Variants in NRG2 observed in about 807,000 individuals in gnomAD.
The protein encoded by NRG2 is neuregulin 2.
NRG2 carries 27 observed loss-of-function variants against 73.9 expected under a neutral mutation model. The ratio of observed to expected loss-of-function variants is 0.37; its 90% CI spans 0.27 to 0.50. NRG2 has a LOEUF of 0.50. Among genes scored for constraint, NRG2 ranks in the 20% least tolerant of loss-of-function variants. The probability of loss-of-function intolerance (pLI) is 0.96; values close to 1 mark genes in which losing one functional copy is unlikely to be tolerated. For synonymous variants in NRG2, 532 were observed against 541.0 expected, an observed-to-expected ratio of 0.98 and a Z score of 0.23; for missense variants, 1,126 against 1,210.1, an observed-to-expected ratio of 0.93 and a Z score of 1.03.
chr5:139,937,818 T>C (rs528201071), intron 1 of NRG2, among the ~76,000 whole-genome samples: 1 of 152,184 alleles, frequency 6.6e-6, no homozygotes, highest in South Asian at 2.1e-4. Flanking sequence ...AACTACACAA[T>C]GAAAACTATG....
intron 1 of NRG2, among the ~76,000 whole-genome samples, chr5:139,990,546 T>A (rs1253227687): frequency 6.6e-6 from 1 of 152,136 alleles, no homozygotes; most frequent in Non-Finnish European, 1.5e-5. Flanking sequence ...GCTCAAGTGA[T>A]CCACCTGACT....
intron 1 of NRG2, among the ~76,000 whole-genome samples, chr5:139,990,381 C>T (rs1757526653): frequency 6.6e-6 from 1 of 151,930 alleles, no homozygotes; most frequent in South Asian, 2.1e-4. Flanking sequence ...TGGCTTACTA[C>T]CACAACCTCC....
chr5:139,878,847 C>A (rs1763351474), intron 3 of NRG2, among the ~76,000 whole-genome samples: 1 of 152,166 alleles, frequency 6.6e-6, no homozygotes, highest in Non-Finnish European at 1.5e-5. Flanking sequence ...TGCTGTCATG[C>A]CCAGGCTGGG....
At position 139,848,108 on chromosome 5, in the gene NRG2, G is replaced by A; in HGVS notation, c.2362C>T (p.Leu788=). The change falls in exon 10 of 10, where the codon CTG becomes TTG. Residue 788 remains leucine, a synonymous_variant. Transcript: ENST00000361474. ...DDDADDADGA[L]AAESTPFLGL... ...AGGAAAGGTGTGCTCTCGGCCGCCA[G>A]CGCCCCGTCCGCGTCGTCCGCGTCG... 2.0e-6 allele frequency: 3 copies of A among 1,477,240 alleles called. No homozygotes were observed. The highest frequency in any genetic ancestry group is 2.7e-6 in the Non-Finnish European group (3 of 1,121,744). 91.5% of individuals were successfully genotyped at this position (1,477,240 alleles called of 1,614,324 possible).
intron 1 of NRG2, among the ~76,000 whole-genome samples, chr5:139,990,190 T>G (rs1757506536): frequency 6.6e-6 from 1 of 152,198 alleles, no homozygotes; most frequent in African/African-American, 2.4e-5. Flanking sequence ...TATCTAGGCA[T>G]GTAATTTCTG....
At chr5:139,966,686 T>G (rs1279252521) in intron 1 of NRG2, among the ~76,000 whole-genome samples, 1 of 151,926 alleles carries the variant, frequency 6.6e-6, no homozygotes, top group African/African-American at 2.4e-5. Context: ...AAGTTTGGCA[T>G]GGTCAGGGGT....
rs1761857094 is a variant in NRG2, at chr5:139,857,105, TCTC to T, written c.1190-1330_1190-1328del. 2.6e-5 allele frequency among the ~76,000 whole-genome samples: 4 copies of T among 152,288 alleles called. No individual in the cohort carries two copies. The South Asian group carries it at 8.3e-4, about 32-fold the overall frequency. On this transcript the variant is annotated intron_variant, in intron 5 of 9. Transcript: ENST00000361474. The stretch of plus-strand genomic sequence containing the variant: ...GGTCACTTGCTTCCTTCCCAGCTGC[TCTC>T]CTCCTTCTGGGGCCCACTCCCCCTG...
intron 1 of NRG2, among the ~76,000 whole-genome samples, chr5:139,979,074 G>A (rs947311187): frequency 1.6e-5 from 2 of 126,474 alleles, no homozygotes; most frequent in African/African-American, 3.0e-5. Context: ...ATCACACACC[G>A]GGGCCTGTTG....
At position 139,868,868 on chromosome 5, in the gene NRG2, G is replaced by A. The variant is rs1762667608; in HGVS notation, c.1112+2853C>T. On this transcript the variant is annotated intron_variant, in intron 4 of 9. Coordinates refer to ENST00000361474, the MANE Select transcript of NRG2 (RefSeq NM_004883.3). The surrounding 1 kb of genome is among the most constrained non-coding windows in gnomAD (Gnocchi z 4.2). ...TCACCTGGACATGGGTGGGGTAGGG[G>A]CAGAGGGATGAGGGGGATGAGCTGA... 6.6e-6 allele frequency among the ~76,000 whole-genome samples: 1 copy of A among 151,992 alleles called. No homozygotes were observed. The highest frequency in any genetic ancestry group is 2.4e-5 in the African/African-American group (1 of 41,356).
intron 1 of NRG2, among the ~76,000 whole-genome samples, chr5:139,987,926 C>G (rs976129685): frequency 1.3e-5 from 2 of 152,130 alleles, no homozygotes; most frequent in Non-Finnish European, 2.9e-5. Context: ...AGGCGCACAC[C>G]GCCATGCCTG....
At chr5:139,864,160 C>G (rs892824869) in intron 5 of NRG2, among the ~76,000 whole-genome samples, 2 of 152,148 alleles carry the variant, frequency 1.3e-5, no homozygotes. Context: ...CTAGCCTGCT[C>G]TGCAGGATGG....
chr5:139,892,321 G>T (rs936662420), intron 1 of NRG2, among the ~76,000 whole-genome samples: 2 of 152,182 alleles, frequency 1.3e-5, no homozygotes, highest in Admixed American at 1.3e-4. Flanking sequence ...GGTGTGCTGG[G>T]AAGGCATTAG....
At chr5:139,901,365 G>C (rs950522929) in intron 1 of NRG2, among the ~76,000 whole-genome samples, 4 of 152,208 alleles carry the variant, frequency 2.6e-5, no homozygotes, top group Non-Finnish European at 5.9e-5. Context: ...GGCATAGGCT[G>C]AGCTCCAGAG....
At position 139,868,848 on chromosome 5, in the gene NRG2, T is replaced by C. The variant is rs1166460150; in HGVS notation, c.1112+2873A>G. Reference sequence around the variant, plus strand: ...GATGGAGGTGGGATGGGGAATCACCTGGACATGGGTGGGGTAGGGGCAGAG... The same window carrying C: ...GATGGAGGTGGGATGGGGAATCACCCGGACATGGGTGGGGTAGGGGCAGAG... On this transcript the variant is annotated intron_variant, in intron 4 of 9. Coordinates refer to ENST00000361474, the MANE Select transcript of NRG2 (RefSeq NM_004883.3). The surrounding 1 kb of genome is among the most constrained non-coding windows in gnomAD (Gnocchi z 4.2). 6.6e-6 allele frequency among the ~76,000 whole-genome samples: 1 copy of C among 150,522 alleles called. No homozygotes were observed. Among genetic ancestry groups the C allele is most frequent in the Admixed American group, 6.6e-5 (1 of 15,108 alleles).
chr5:139,871,955 T>A, intron 3 of NRG2, 114 bp from the exon 4 acceptor site: 1 of 1,431,194 alleles, frequency 7.0e-7, no homozygotes, highest in Non-Finnish European at 9.5e-7. Context: ...GCTGCAGGAA[T>A]GACTGGGGAG....
chr5:139,945,409 T>A (rs1753732652), intron 1 of NRG2, among the ~76,000 whole-genome samples: 1 of 152,164 alleles, frequency 6.6e-6, no homozygotes. Context: ...TGAAAAGATG[T>A]CTTTTCCCCA....
chr5:139,881,339 G>GC (rs916357471), intron 2 of NRG2, among the ~76,000 whole-genome samples: 43 of 152,166 alleles, frequency 2.8e-4, no homozygotes, highest in African/African-American at 1.0e-3. Flanking sequence ...AGCTGCCTCT[G>GC]CCTCTCCTGG....
chr5:139,982,657 GTTC>G (rs1398003705), intron 1 of NRG2, among the ~76,000 whole-genome samples: 2 of 152,220 alleles, frequency 1.3e-5, no homozygotes, highest in African/African-American at 2.4e-5. Flanking sequence ...TGTTGGAATT[GTTC>G]TTCTCTCTCT....
intron 1 of NRG2, among the ~76,000 whole-genome samples, chr5:139,919,813 T>C (rs1204045544): frequency 6.6e-6 from 1 of 152,184 alleles, no homozygotes; most frequent in Non-Finnish European, 1.5e-5. Flanking sequence ...GCTATGTCAA[T>C]GCACAAAGAT....
Sources: allele counts gnomAD v4.1 joint callset (sites outside exome capture counted in the v4.1 genomes callset), GRCh38; gene constraint gnomAD v4.1.1; non-coding constraint Gnocchi (gnomAD v3.1); transcripts MANE v1.5; gene names NCBI Gene and HGNC (gene_info 2026-07-23, HGNC 2026-07-21).